CALD1: variants seen among roughly 807,000 people sequenced by gnomAD.
CALD1 encodes caldesmon.
In CALD1, 33 loss-of-function variants were observed where a neutral mutation model predicts 99.9. The observed-to-expected ratio is 0.33, with a 90% CI of 0.25 to 0.44. The LOEUF is 0.44. Among genes scored for constraint, CALD1 ranks in the 20% least tolerant of loss-of-function variants. The pLI, the probability that CALD1 is intolerant of heterozygous loss-of-function variation, is 1.00. For synonymous variants in CALD1, 310 were observed against 325.0 expected, an observed-to-expected ratio of 0.95 and a Z score of 0.50; for missense variants, 861 against 962.1, an observed-to-expected ratio of 0.89 and a Z score of 1.39.
At chr7:134,957,953 C>G (rs1807901305) in intron 9 of CALD1, 116 bp from the exon 10 acceptor site, 1 of 745,268 alleles carries the variant, frequency 1.3e-6, no homozygotes, top group South Asian at 1.6e-5. Flanking sequence ...ACTCAAATAC[C>G]CTTATATGCT....
chr7:134,894,232 G>T (rs988498029), intron 3 of CALD1, among the ~76,000 whole-genome samples: 1 of 152,112 alleles, frequency 6.6e-6, no homozygotes, highest in Non-Finnish European at 1.5e-5. Flanking sequence ...CCCAGTTCCC[G>T]GCTTGACTTT....
intron 1 of CALD1, among the ~76,000 whole-genome samples, chr7:134,797,280 C>T (rs909854049): frequency 1.3e-5 from 2 of 152,162 alleles, no homozygotes; most frequent in Admixed American, 6.5e-5. Context: ...CCACTGCACC[C>T]GACCCAGAAA....
At chr7:134,881,282 T>A (rs948009515) in intron 3 of CALD1, among the ~76,000 whole-genome samples, 1 of 152,216 alleles carries the variant, frequency 6.6e-6, no homozygotes, top group African/African-American at 2.4e-5. Flanking sequence ...GGAAACCTTG[T>A]CATTTTCTCC....
the CALD1 span, among the ~76,000 whole-genome samples, chr7:134,735,794 T>C: frequency 6.6e-6 from 1 of 152,186 alleles, no homozygotes; most frequent in Admixed American, 6.5e-5. Flanking sequence ...GGATTAAACA[T>C]TGCTAGGAGG....
chr7:134,924,551 A>G (rs886680268), intron 3 of CALD1, among the ~76,000 whole-genome samples: 2 of 152,130 alleles, frequency 1.3e-5, no homozygotes, highest in Admixed American at 6.5e-5. Context: ...CATGGACACA[A>G]TTTTACCTAT....
chr7:134,945,467 C>T (rs1271734548), intron 7 of CALD1, among the ~76,000 whole-genome samples: 1 of 152,168 alleles, frequency 6.6e-6, no homozygotes, highest in Non-Finnish European at 1.5e-5. Flanking sequence ...AAGAAGAGTA[C>T]AACTAATAGA....
chr7:134,833,876 A>T (rs537503142), intron 1 of CALD1, among the ~76,000 whole-genome samples: 1 of 152,338 alleles, frequency 6.6e-6, no homozygotes, highest in South Asian at 2.1e-4. Flanking sequence ...CTCATGAGAT[A>T]GGAATAGTAG....
chr7:134,807,338 T>C (rs970954061), intron 1 of CALD1, among the ~76,000 whole-genome samples: 2 of 152,194 alleles, frequency 1.3e-5, no homozygotes, highest in Non-Finnish European at 2.9e-5. Flanking sequence ...ACTGGGGGTA[T>C]AAAGAAGAAA....
intron 3 of CALD1, among the ~76,000 whole-genome samples, chr7:134,874,500 G>A (rs1036188394): frequency 6.6e-6 from 1 of 152,176 alleles, no homozygotes; most frequent in African/African-American, 2.4e-5. Context: ...CAGCAGTGAT[G>A]CTTTTATCCA....
chr7:134,924,252 A>G (rs1173541508), intron 3 of CALD1, among the ~76,000 whole-genome samples: 2 of 152,210 alleles, frequency 1.3e-5, no homozygotes, highest in African/African-American at 4.8e-5. Flanking sequence ...CTGGGTTTGC[A>G]TGATTCTCGG....
intron 1 of CALD1, among the ~76,000 whole-genome samples, chr7:134,753,459 A>G (rs374783806): frequency 4.6e-5 from 7 of 152,222 alleles, no homozygotes; most frequent in Admixed American, 2.6e-4. Context: ...AATGCATCTG[A>G]GTCCTGGAGA....
the CALD1 span, among the ~76,000 whole-genome samples, chr7:134,711,678 A>G: frequency 2.5e-3 from 136 of 54,806 alleles, 1 homozygote; most frequent in Middle Eastern, 7.9e-3. Context: ...ATATATATAT[A>G]TATGTGTGTG....
At chr7:134,718,169 GATTGAAAAC>G in the CALD1 span, among the ~76,000 whole-genome samples, 2 of 152,140 alleles carry the variant, frequency 1.3e-5, no homozygotes, top group Middle Eastern at 3.2e-3. Flanking sequence ...CTAAGTTCTA[GATTGAAAAC>G]ATTTTTTTAA....
chr7:134,737,207 C>T, the CALD1 span, among the ~76,000 whole-genome samples: 2 of 152,168 alleles, frequency 1.3e-5, no homozygotes, highest in African/African-American at 4.8e-5. Context: ...TCATTGCAGC[C>T]TTGACCTCCT....
chr7:134,927,551 C>CAA (rs58182455), intron 3 of CALD1, among the ~76,000 whole-genome samples: 1,381 of 39,328 alleles, frequency 0.035, 84 homozygotes, highest in Non-Finnish European at 0.038. Context: ...GACTGTGTCT[C>CAA]AAAAAAAAAA....
chr7:134,967,581 A>G (rs1410354631), intron 14 of CALD1, among the ~76,000 whole-genome samples: 1 of 152,192 alleles, frequency 6.6e-6, no homozygotes, highest in Non-Finnish European at 1.5e-5. Flanking sequence ...CTAGATTAAA[A>G]ATGGGAGAAA....
the CALD1 span, among the ~76,000 whole-genome samples, chr7:134,733,286 G>C: frequency 6.6e-6 from 1 of 152,166 alleles, no homozygotes; most frequent in East Asian, 1.9e-4. Context: ...CCTCCAGATC[G>C]GTTCCTTTCT....
At chr7:134,795,903 C>T (rs1797727101) in intron 1 of CALD1, among the ~76,000 whole-genome samples, 1 of 152,216 alleles carries the variant, frequency 6.6e-6, no homozygotes, top group Non-Finnish European at 1.5e-5. Context: ...CATCCCCAGC[C>T]AGCCTGGAGC....
At chr7:134,967,695 C>T (rs3800755) in intron 14 of CALD1, among the ~76,000 whole-genome samples, 28,246 of 151,914 alleles carry the variant, frequency 0.19, 2,982 homozygotes, top group Middle Eastern at 0.27. Context: ...AGATTTTTGG[C>T]TCTTACAGTG....
Sources: allele counts gnomAD v4.1 joint callset (sites outside exome capture counted in the v4.1 genomes callset), GRCh38; gene constraint gnomAD v4.1.1; transcripts MANE v1.5; gene names NCBI Gene and HGNC (gene_info 2026-07-23, HGNC 2026-07-21).